Variants in SNX9 observed in about 807,000 individuals in gnomAD.
SNX9 encodes sorting nexin 9.
Under a neutral mutation model 89.4 loss-of-function variants are expected in SNX9, and 44 were observed. The ratio of observed to expected loss-of-function variants is 0.49; its 90% CI spans 0.39 to 0.63. SNX9 has a LOEUF of 0.63. Among genes scored for constraint, SNX9 ranks in the 30% least tolerant of loss-of-function variants. The pLI, the probability that SNX9 is intolerant of heterozygous loss-of-function variation, is 0.00. For synonymous variants in SNX9, 236 were observed against 247.8 expected, an observed-to-expected ratio of 0.95 and a Z score of 0.45; for missense variants, 578 against 736.1, an observed-to-expected ratio of 0.79 and a Z score of 2.49.
chr6:157,894,106 C>CTTTTTTTTTTTTT lies in SNX9; in HGVS notation c.301-2712_301-2700dup, dbSNP rs746909411. ...TTCTTTTTCTTTTCGCTTTTCTTTT[C>CTTTTTTTTTTTTT]TTTTTTTTTTTTTTTTTTTTTGAGA... On this transcript the variant is annotated intron_variant, in intron 4 of 17. Coordinates refer to ENST00000392185, the MANE Select transcript of SNX9 (RefSeq NM_016224.5). Among the ~76,000 whole-genome samples the CTTTTTTTTTTTTT allele has an allele frequency of 5.8e-4, 52 of 89,526 alleles. 3 individuals are homozygous for CTTTTTTTTTTTTT. The highest frequency in any genetic ancestry group is 8.1e-4 in the Non-Finnish European group (37 of 45,688). The allele number at this position is 89,526 out of a possible 152,430, so 58.7% of individuals were successfully genotyped here.
At chr6:157,934,086 A>G (rs1419128093) in intron 13 of SNX9, 1 of 152,228 alleles carries the variant, frequency 6.6e-6, no homozygotes, top group Non-Finnish European at 1.5e-5. Flanking sequence ...GTCTTAGAGC[A>G]GTGCTATACT....
At chr6:157,927,906 G>A (rs1277011615) in intron 11 of SNX9, among the ~76,000 whole-genome samples, 1 of 150,430 alleles carries the variant, frequency 6.6e-6, no homozygotes, top group Non-Finnish European at 1.5e-5. Context: ...TATTGCGTAT[G>A]TGTTACCAAA....
chr6:157,840,486 CTCTT>C (rs558045961), intron 1 of SNX9, among the ~76,000 whole-genome samples: 364 of 143,692 alleles, frequency 2.5e-3, no homozygotes, highest in African/African-American at 4.9e-3. Context: ...CTCTCTCTCT[CTCTT>C]TCTTTCTCTT....
chr6:157,824,489 AC>A (rs1406602128), intron 1 of SNX9, among the ~76,000 whole-genome samples: 1 of 152,222 alleles, frequency 6.6e-6, no homozygotes, highest in Non-Finnish European at 1.5e-5. Flanking sequence ...TCTCTGAGCT[AC>A]TTTTGGGTTG....
chr6:157,871,823 C>G (rs1021280285), intron 2 of SNX9, among the ~76,000 whole-genome samples: 9 of 141,710 alleles, frequency 6.4e-5, no homozygotes, highest in Non-Finnish European at 1.1e-4. Flanking sequence ...GTCACCCAGG[C>G]TGGAGTGAGG....
At chr6:157,917,308 G>C (rs558800689) in intron 9 of SNX9, among the ~76,000 whole-genome samples, 1 of 150,938 alleles carries the variant, frequency 6.6e-6, no homozygotes, top group East Asian at 1.9e-4. Flanking sequence ...TATTGTTTCT[G>C]CTCTTTTATC....
chr6:157,894,103 TTTC>T (rs1463615870), intron 4 of SNX9, among the ~76,000 whole-genome samples: 11 of 142,510 alleles, frequency 7.7e-5, no homozygotes, highest in Admixed American at 2.1e-4. Flanking sequence ...TCGCTTTTCT[TTTC>T]TTTTTTTTTT....
At chr6:157,922,465 A>T (rs943265387) in intron 10 of SNX9, among the ~76,000 whole-genome samples, 60 of 152,348 alleles carry the variant, frequency 3.9e-4, no homozygotes, top group African/African-American at 1.4e-3. Flanking sequence ...TTTGTCTTTA[A>T]TGAAATAATA....
At chr6:157,865,203 G>A (rs779837151) in intron 1 of SNX9, among the ~76,000 whole-genome samples, 84 of 151,926 alleles carry the variant, frequency 5.5e-4, no homozygotes, top group Non-Finnish European at 8.7e-4. Flanking sequence ...GCCAAGTGTG[G>A]TGGTAGGCGC....
intron 4 of SNX9, among the ~76,000 whole-genome samples, chr6:157,889,090 A>G (rs567959229): frequency 1.3e-5 from 2 of 152,172 alleles, no homozygotes; most frequent in Non-Finnish European, 2.9e-5. Flanking sequence ...TGCATGACCA[A>G]ATGTCTGCAG....
chr6:157,937,427 G>C lies in SNX9; in HGVS notation c.1444-7G>C. On this transcript the variant is annotated splice_region_variant and splice_polypyrimidine_tract_variant and intron_variant, in intron 14 of 17. Transcript: ENST00000392185. ...GCCAGTAACAATCAGCTTGTATCTT[G>C]TTATAGCCAAAGAAAGATCTCCATT... 1.2e-6 allele frequency: 2 copies of C among 1,606,462 alleles called. No individual in the cohort carries two copies. The highest frequency in any genetic ancestry group is 1.3e-5 in the African/African-American group (1 of 74,870).
At chr6:157,847,216 C>T (rs973705187) in intron 1 of SNX9, among the ~76,000 whole-genome samples, 1 of 152,134 alleles carries the variant, frequency 6.6e-6, no homozygotes, top group Non-Finnish European at 1.5e-5. Context: ...GATCCTCCTA[C>T]CTCAGCCTCC....
intron 4 of SNX9, among the ~76,000 whole-genome samples, chr6:157,881,158 C>T (rs1331360204): frequency 2.6e-5 from 4 of 152,164 alleles, no homozygotes; most frequent in African/African-American, 7.2e-5. Flanking sequence ...CATGTACTCA[C>T]TTGGTGTCTC....
In SNX9 at chr6:157,896,911, C is replaced by G. The variant is rs774646534; in HGVS notation, c.385C>G (p.Pro129Ala). Reference sequence around the variant, plus strand: ...AAGCTCAGAAGGCTGGGGGGCCCAGCCAGAGGGGGCTGGAGCCCAAAGAAA... The same window carrying G: ...AAGCTCAGAAGGCTGGGGGGCCCAGGCAGAGGGGGCTGGAGCCCAAAGAAA... The part of the protein sequence containing the change: ...WESSEGWGAQ[P>A]EGAGAQRNTN... Residue 129 changes from proline (P) to alanine (A), a missense_variant, in exon 5 of 18, where the codon CCA becomes GCA. This residue lies in a region of SNX9 where 230 missense variants were observed against 244.7 expected (regional missense o/e 0.94). Coordinates refer to ENST00000392185, the MANE Select transcript of SNX9 (RefSeq NM_016224.5). The G allele has an allele frequency of 6.2e-7, 1 of 1,613,578 alleles. No individual in the cohort carries two copies. The highest frequency in any genetic ancestry group is 1.7e-5 in the Admixed American group (1 of 59,808).
At chr6:157,901,870 AC>A in intron 5 of SNX9, 27 bp from the exon 6 acceptor site, 1 of 1,555,158 alleles carries the variant, frequency 6.4e-7, no homozygotes, top group Non-Finnish European at 8.7e-7. Flanking sequence ...TTTTTTTTTA[AC>A]TGATGATCTT....
chr6:157,935,441 A>G (rs992807515), intron 13 of SNX9, among the ~76,000 whole-genome samples: 5 of 152,156 alleles, frequency 3.3e-5, no homozygotes, highest in African/African-American at 1.2e-4. Flanking sequence ...TGTGTGACAT[A>G]TCACCAGAGA....
intron 1 of SNX9, among the ~76,000 whole-genome samples, chr6:157,837,610 G>A (rs1781612148): frequency 6.6e-6 from 1 of 152,124 alleles, no homozygotes. Context: ...AGGAAGTAAA[G>A]AAACAAATGT....
intron 4 of SNX9, among the ~76,000 whole-genome samples, chr6:157,889,301 C>T (rs1285710504): frequency 2.0e-5 from 3 of 151,894 alleles, no homozygotes; most frequent in East Asian, 3.9e-4. Flanking sequence ...TGTGGTGGTG[C>T]ACCCCTGTAA....
intron 1 of SNX9, among the ~76,000 whole-genome samples, chr6:157,850,143 G>A (rs1166927042): frequency 6.6e-6 from 1 of 152,130 alleles, no homozygotes; most frequent in Non-Finnish European, 1.5e-5. Context: ...AAGGAAGAGT[G>A]GACAGCAATG....
Sources: gnomAD v4.1 joint callset for allele counts (sites outside exome capture counted in the v4.1 genomes callset) on GRCh38, gnomAD v4.1.1 for gene constraint, gnomAD v4.1.1 regional missense constraint, MANE v1.5 for transcripts, NCBI Gene and HGNC (gene_info 2026-07-23, HGNC 2026-07-21) for gene names.